CTNNA2: variants seen among roughly 807,000 people sequenced by gnomAD.
CTNNA2 encodes catenin alpha-2.
Under a neutral mutation model 101.0 loss-of-function variants are expected in CTNNA2, and 42 were observed. The ratio of observed to expected loss-of-function variants is 0.42; its 90% CI spans 0.32 to 0.54. The LOEUF is 0.54. Ranked by LOEUF, CTNNA2 falls within the 20% of genes least tolerant of loss-of-function variation. The pLI is 0.14. For synonymous variants in CTNNA2, 450 were observed against 456.4 expected, an observed-to-expected ratio of 0.99 and a Z score of 0.18; for missense variants, 871 against 1,223.1, an observed-to-expected ratio of 0.71 and a Z score of 4.29.
Position 79,593,878 on chromosome 2 carries a change from TAG to T in CTNNA2, c.-5-57673_-5-57672del, listed in dbSNP as rs372890022. On this transcript the variant is annotated intron_variant, in intron 1 of 18. Coordinates refer to ENST00000402739, the MANE Select transcript of CTNNA2 (RefSeq NM_001282597.3). ...CTGAGCCCCAGTGCTGCCTTTCTTT[TAG>T]TTTTTTTTTTTTTTTTTTTTTTTTT... 4.7e-3 allele frequency among the ~76,000 whole-genome samples: 679 copies of T among 143,948 alleles called. 6 individuals are homozygous for T. The highest frequency in any genetic ancestry group is 0.018 in the African/African-American group (651 of 35,506). The allele number at this position is 143,948 out of a possible 152,430, so 94.4% of individuals were successfully genotyped here. A position where few individuals can be genotyped will look rare whatever the true frequency, so the allele number is the denominator to read the frequency against.
intron 9 of CTNNA2, among the ~76,000 whole-genome samples, chr2:80,477,564 C>T (rs1312590216): frequency 6.6e-5 from 10 of 152,058 alleles, no homozygotes; most frequent in Admixed American, 5.2e-4. Flanking sequence ...TATGCCTTTG[C>T]ATCCCCATAG....
chr2:79,904,971 T>G (rs72809797), intron 6 of CTNNA2, among the ~76,000 whole-genome samples: 25,951 of 152,192 alleles, frequency 0.17, 2,416 homozygotes, highest in Non-Finnish European at 0.21. Flanking sequence ...GTTAAAATTT[T>G]TATAGAGCGC....
chr2:80,307,619 G>T (rs1010057219), intron 7 of CTNNA2, among the ~76,000 whole-genome samples: 2 of 152,008 alleles, frequency 1.3e-5, no homozygotes, highest in African/African-American at 4.8e-5. Context: ...TCTTCTTCCC[G>T]GGTGACCATA....
At chr2:79,369,843 T>C (rs1015944742) in intron 3 of CTNNA2, among the ~76,000 whole-genome samples, 1 of 152,244 alleles carries the variant, frequency 6.6e-6, no homozygotes, top group African/African-American at 2.4e-5. Context: ...TGAACACCTC[T>C]GGGATCACTT....
chr2:79,187,086 A>G (rs1351353144), intron 1 of CTNNA2, among the ~76,000 whole-genome samples: 1 of 152,056 alleles, frequency 6.6e-6, no homozygotes, highest in Admixed American at 6.6e-5. Context: ...ATAATGGTGG[A>G]ATGGGGGTGT....
At chr2:80,076,269 C>A (rs142991973) in intron 7 of CTNNA2, among the ~76,000 whole-genome samples, 2 of 149,946 alleles carry the variant, frequency 1.3e-5, no homozygotes, top group African/African-American at 2.4e-5. Context: ...CTTTTTGCAT[C>A]ATTTTTTCCT....
Position 80,303,250 on chromosome 2 carries a change from G to C in CTNNA2, c.1057-89961G>C. The C allele has an allele frequency of 6.2e-7, 1 of 1,613,698 alleles. No homozygotes were observed. The highest frequency in any genetic ancestry group is 8.5e-7 in the Non-Finnish European group (1 of 1,179,996). On this transcript the variant is annotated intron_variant, in intron 7 of 18. Transcript: ENST00000402739. This position sits in a 1 kb window ranked among gnomAD's most constrained non-coding sequence, Gnocchi z 7.7. Reference sequence around the variant, plus strand: ...TCTTGAGCTGATTGTATCCGATGTCGAGAAACTTGAGGCTGCGGCAGTCCT... The same window carrying C: ...TCTTGAGCTGATTGTATCCGATGTCCAGAAACTTGAGGCTGCGGCAGTCCT...
upstream of CTNNA2, among the ~76,000 whole-genome samples, chr2:79,510,828 C>T (rs904178433): frequency 5.3e-5 from 8 of 152,242 alleles, no homozygotes; most frequent in African/African-American, 1.7e-4. Flanking sequence ...TAATATTCTA[C>T]AGTTTTGAAA....
intron 3 of CTNNA2, among the ~76,000 whole-genome samples, chr2:79,361,926 C>A (rs769410332): frequency 3.9e-5 from 6 of 152,170 alleles, no homozygotes; most frequent in Non-Finnish European, 8.8e-5. Flanking sequence ...CCTTTCCTAG[C>A]CCACGACTCA....
At chr2:80,052,533 CA>C (rs1427081196) in intron 7 of CTNNA2, among the ~76,000 whole-genome samples, 1 of 152,178 alleles carries the variant, frequency 6.6e-6, no homozygotes, top group African/African-American at 2.4e-5. Flanking sequence ...GTTGAAATTG[CA>C]GATTGCAATG....
chr2:80,341,467 A>C (rs941482001), intron 7 of CTNNA2, among the ~76,000 whole-genome samples: 2 of 152,240 alleles, frequency 1.3e-5, no homozygotes, highest in African/African-American at 2.4e-5. Context: ...ATAGATATTT[A>C]TCCAGAAAGA....
intron 15 of CTNNA2, among the ~76,000 whole-genome samples, chr2:80,603,044 G>A (rs919438823): frequency 4.6e-5 from 7 of 151,858 alleles, no homozygotes; most frequent in African/African-American, 7.3e-5. Flanking sequence ...AACCCTACAC[G>A]GTCTGAATAA....
chr2:80,168,510 C>T (rs796678426), intron 7 of CTNNA2, among the ~76,000 whole-genome samples: 9 of 152,272 alleles, frequency 5.9e-5, no homozygotes, highest in African/African-American at 2.2e-4. Flanking sequence ...CCTACCTCCC[C>T]TCCTCCTTCT....
intron 7 of CTNNA2, among the ~76,000 whole-genome samples, chr2:79,987,830 G>C (rs1288169542): frequency 6.6e-6 from 1 of 152,216 alleles, no homozygotes; most frequent in East Asian, 1.9e-4. Context: ...AAAATGCCCA[G>C]AATACAGTGA....
At chr2:79,216,170 G>A (rs1390443551) in intron 2 of CTNNA2, among the ~76,000 whole-genome samples, 2 of 152,178 alleles carry the variant, frequency 1.3e-5, no homozygotes, top group Non-Finnish European at 2.9e-5. Flanking sequence ...TGTCAAGTTT[G>A]TATTGGGGTC....
chr2:79,767,456 G>A (rs1260495948), intron 3 of CTNNA2, among the ~76,000 whole-genome samples: 2 of 151,930 alleles, frequency 1.3e-5, no homozygotes, highest in Non-Finnish European at 2.9e-5. Flanking sequence ...TTATTTTAAT[G>A]ATCACTGTCT....
chr2:79,577,841 T>C (rs1406356540), intron 1 of CTNNA2, among the ~76,000 whole-genome samples: 1 of 152,200 alleles, frequency 6.6e-6, no homozygotes, highest in Non-Finnish European at 1.5e-5. Flanking sequence ...TGAGAAAATC[T>C]GAGTCTAATT....
At chr2:80,551,436 A>G (rs1208778646) in intron 11 of CTNNA2, among the ~76,000 whole-genome samples, 1 of 152,248 alleles carries the variant, frequency 6.6e-6, no homozygotes, top group Non-Finnish European at 1.5e-5. Flanking sequence ...GTCTTCCAGT[A>G]GAAGGCTGTC....
chr2:80,285,688 T>C (rs1674706100), intron 7 of CTNNA2, among the ~76,000 whole-genome samples: 1 of 152,174 alleles, frequency 6.6e-6, no homozygotes, highest in African/African-American at 2.4e-5. Context: ...TGCAAATGAA[T>C]GTCCCTTCAG....
Sources: allele counts gnomAD v4.1 joint callset (sites outside exome capture counted in the v4.1 genomes callset), GRCh38; gene constraint gnomAD v4.1.1; non-coding constraint Gnocchi (gnomAD v3.1); transcripts MANE v1.5; gene names NCBI Gene and HGNC (gene_info 2026-07-23, HGNC 2026-07-21).